Variants in DCHS2 observed in about 807,000 individuals in gnomAD.
DCHS2 encodes the protein protocadherin-23.
A neutral mutation model predicts 182.4 loss-of-function variants in DCHS2; 142 were observed. The ratio of observed to expected loss-of-function variants is 0.78; its 90% CI spans 0.68 to 0.89. The LOEUF (loss-of-function observed/expected upper bound fraction) is 0.89. Among genes scored for constraint, DCHS2 ranks in the 40% least tolerant of loss-of-function variants. The pLI is 0.00. For missense variants in DCHS2, 4,319 were observed against 4,198.6 expected (o/e 1.03, Z -0.79); for synonymous variants, 1,740 against 1,663.3 (o/e 1.05, Z -1.12).
chr4:154,487,721 C>T (rs536768435), intron 1 of DCHS2, among the ~76,000 whole-genome samples: 1 of 152,272 alleles, frequency 6.6e-6, no homozygotes, highest in African/African-American at 2.4e-5. Context: ...AACTGAGAAC[C>T]AGAAAGTAAG....
Position 154,320,420 on chromosome 4 carries a change from G to A in DCHS2, c.4979C>T (p.Ser1660Leu), listed in dbSNP as rs11935573. Residue 1660 changes from serine (S) to leucine (L), a missense_variant, in exon 9 of 20, where the codon TCA (serine) becomes TTA (leucine). By Grantham distance (145) the Ser-to-Leu change is moderately radical. Transcript: ENST00000357232. ...RNGKVTYSIL[S>L]GNENMTFMLD... Reference sequence around the variant, plus strand: ...CATAAACGTCATGTTTTCATTTCCTGAGAGGATGCTGTATGTTACTTTTCC... The same window carrying A: ...CATAAACGTCATGTTTTCATTTCCTAAGAGGATGCTGTATGTTACTTTTCC... 0.32 allele frequency: 524,076 copies of A among 1,613,818 alleles called. 88,247 individuals carry two copies. Among genetic ancestry groups the A allele is most frequent in the East Asian group, 0.39 (17,394 of 44,854 alleles).
intron 1 of DCHS2, among the ~76,000 whole-genome samples, chr4:154,470,505 C>G (rs1023313696): frequency 1.4e-5 from 2 of 146,982 alleles, no homozygotes; most frequent in East Asian, 3.9e-4. Context: ...AAAAAAATGT[C>G]AAACAGCTGT....
intron 16 of DCHS2, among the ~76,000 whole-genome samples, chr4:154,248,467 G>C (rs1732190454): frequency 6.6e-6 from 1 of 151,696 alleles, no homozygotes; most frequent in Admixed American, 6.6e-5. Context: ...AGGTGAGGCA[G>C]TGGTTGCTGA....
chr4:154,321,258 A>AT, intron 8 of DCHS2, 36 bp from the exon 9 acceptor site: 1 of 1,447,200 alleles, frequency 6.9e-7, no homozygotes, highest in East Asian at 2.3e-5. Context: ...AATTTGGGGT[A>AT]TTTTTAAAAC....
intron 14 of DCHS2, 68 bp downstream of exon 14, chr4:154,269,832 G>A: frequency 6.4e-7 from 1 of 1,551,192 alleles, no homozygotes; most frequent in South Asian, 1.3e-5. Flanking sequence ...TTTCTACTTT[G>A]CAAATTTTGC....
intron 19 of DCHS2, among the ~76,000 whole-genome samples, chr4:154,238,020 C>T (rs1731616458): frequency 6.6e-6 from 1 of 152,150 alleles, no homozygotes; most frequent in African/African-American, 2.4e-5. Flanking sequence ...CTGTCAATAG[C>T]ACATGTCAAG....
chr4:154,262,765 G>A (rs779554595), intron 14 of DCHS2, among the ~76,000 whole-genome samples: 55 of 152,100 alleles, frequency 3.6e-4, no homozygotes, highest in Non-Finnish European at 6.5e-4. Flanking sequence ...CTTTCAAACC[G>A]TCTCCTACTT....
In DCHS2 at chr4:154,335,305, T is replaced by C. The variant is rs1728743534; in HGVS notation, c.2477-201A>G. On this transcript the variant is annotated intron_variant, in intron 3 of 19. Transcript: ENST00000357232. ...TTTGGATGACATTAACATTTAAATCTGTAGACTGAATAAAGCAGATCATCC... is the reference window on the plus strand; with the variant it reads ...TTTGGATGACATTAACATTTAAATCCGTAGACTGAATAAAGCAGATCATCC... 7 of 565,244 alleles carry C rather than the reference T, an allele frequency of 1.2e-5. No homozygotes were observed. In the Admixed American group the frequency reaches 2.1e-4, roughly 17 times the overall value. 35.0% of individuals were successfully genotyped at this position (565,244 alleles called of 1,614,324 possible). A position where few individuals can be genotyped will look rare whatever the true frequency, so the allele number is the denominator to read the frequency against.
At position 154,247,942 on chromosome 4, in the gene DCHS2, G is replaced by A. The variant is rs978340612; in HGVS notation, c.6942-5170C>T. Reference sequence around the variant, plus strand: ...CGGAGAGCTATAAACCAAAGTTATCGGATCTCAGCCTTGCAATAGGTTTAT... The same window carrying A: ...CGGAGAGCTATAAACCAAAGTTATCAGATCTCAGCCTTGCAATAGGTTTAT... On this transcript the variant is annotated intron_variant, in intron 16 of 19. Coordinates refer to ENST00000357232, the MANE Select transcript of DCHS2 (RefSeq NM_001358235.2). Among the ~76,000 whole-genome samples, 15 of 152,238 alleles carry A rather than the reference G, an allele frequency of 9.9e-5. No homozygotes were observed. In the East Asian group the frequency reaches 2.1e-3, roughly 22 times the overall value.
chr4:154,309,788 C>G (rs1249062796), intron 10 of DCHS2, among the ~76,000 whole-genome samples: 1 of 152,218 alleles, frequency 6.6e-6, no homozygotes, highest in Non-Finnish European at 1.5e-5. Flanking sequence ...ATTAAATTAT[C>G]AATCATGTTT....
At chr4:154,476,727 A>C (rs1286661678) in intron 1 of DCHS2, among the ~76,000 whole-genome samples, 5 of 152,256 alleles carry the variant, frequency 3.3e-5, no homozygotes, top group African/African-American at 1.2e-4. Context: ...GCAGGGAAGC[A>C]GATACTAAGT....
In DCHS2 at chr4:154,489,843, A is replaced by G; in HGVS notation, c.1513T>C (p.Tyr505His). 6.5e-7 allele frequency: 1 copy of G among 1,549,748 alleles called. No homozygotes were observed. Among genetic ancestry groups the G allele is most frequent in the South Asian group, 1.2e-5 (1 of 83,990 alleles). ...TCCGTGGCCACCAGTAGTAACTCAT[A>G]CAGATCGCGGCTCTCTCTGTCCAGG... ...GPLDRESRDL[Y>H]ELLLVATDAG... The change falls in exon 1 of 20, where the codon TAT (tyrosine) becomes CAT (histidine). Residue 505 changes from tyrosine to histidine, a missense_variant. Tyr to His is a moderately conservative substitution (Grantham distance 83). Transcript: ENST00000357232.
chr4:154,245,759 T>C (rs754719184), intron 16 of DCHS2, among the ~76,000 whole-genome samples: 25 of 152,146 alleles, frequency 1.6e-4, no homozygotes, highest in Non-Finnish European at 3.1e-4. Flanking sequence ...GTGAAATGAA[T>C]GAGAAATATC....
chr4:154,325,222 G>C (rs1309569319), intron 7 of DCHS2, among the ~76,000 whole-genome samples: 1 of 151,690 alleles, frequency 6.6e-6, no homozygotes, highest in East Asian at 1.9e-4. Context: ...TATAACTGAA[G>C]TTGAGGTTTA....
intron 13 of DCHS2, among the ~76,000 whole-genome samples, chr4:154,289,267 A>G (rs1464447650): frequency 6.6e-6 from 1 of 152,088 alleles, no homozygotes; most frequent in Non-Finnish European, 1.5e-5. Context: ...TCCGACAGAT[A>G]CTACATAAAT....
Position 154,394,088 on chromosome 4 carries a change from G to A in DCHS2, c.2053-16644C>T, listed in dbSNP as rs181286427. Among the ~76,000 whole-genome samples the A allele has an allele frequency of 2.6e-5, 4 of 152,186 alleles. No individual in the cohort carries two copies. In the East Asian group the frequency reaches 7.7e-4, roughly 29 times the overall value. ...CAAATCAGTAATCACAGGTAAAGAG[G>A]AGGTGTGGAGCGGAAGGCTAGGAGA... On this transcript the variant is annotated intron_variant, in intron 1 of 19. Transcript: ENST00000357232.
At chr4:154,427,987 G>A (rs1421639372) in intron 1 of DCHS2, among the ~76,000 whole-genome samples, 2 of 152,222 alleles carry the variant, frequency 1.3e-5, no homozygotes, top group Non-Finnish European at 2.9e-5. Context: ...AAGTGCATAT[G>A]AAGGCAGTCT....
rs549155362 is a variant in DCHS2 at position 154,368,843 on chromosome 4, C to T, written c.2245-2402G>A. Among the ~76,000 whole-genome samples, 9 of 152,206 alleles carry T rather than the reference C, an allele frequency of 5.9e-5. No homozygotes were observed. The East Asian group carries it at 1.7e-3, about 29-fold the overall frequency. Reference sequence around the variant, plus strand: ...CGGTAGGGTAAGCACACTAGTGGGGCTAGAGAGGGCTGGGCATTTAGTGAC... The same window carrying T: ...CGGTAGGGTAAGCACACTAGTGGGGTTAGAGAGGGCTGGGCATTTAGTGAC... On this transcript the variant is annotated intron_variant, in intron 2 of 19. Transcript: ENST00000357232.
Position 154,304,584 on chromosome 4 carries a change from G to A in DCHS2, c.5605+85C>T, listed in dbSNP as rs188578626. ...GGAGGTGAAGTTGCAGTGAGCCATC[G>A]CGCCACTGCACTCCAGCCTGGGTGA... On this transcript the variant is annotated intron_variant, in intron 12 of 19. Coordinates refer to ENST00000357232, the MANE Select transcript of DCHS2 (RefSeq NM_001358235.2). The A allele has an allele frequency of 1.8e-4, 231 of 1,286,742 alleles. 3 individuals carry two copies. In the East Asian group the frequency reaches 3.5e-3, roughly 20 times the overall value. 79.7% of individuals were successfully genotyped at this position (1,286,742 alleles called of 1,614,324 possible).
Sources: allele counts gnomAD v4.1 joint callset (sites outside exome capture counted in the v4.1 genomes callset), GRCh38; gene constraint gnomAD v4.1.1; transcripts MANE v1.5; gene names NCBI Gene and HGNC (gene_info 2026-07-23, HGNC 2026-07-21).